The following MYH10 variants were observed in gnomAD, a reference collection of about 807,000 sequenced individuals.
MYH10 encodes myosin-10.
A neutral mutation model predicts 257.8 loss-of-function variants in MYH10; 55 were observed. The observed-to-expected ratio is 0.21, with a 90% CI of 0.17 to 0.27. The LOEUF (loss-of-function observed/expected upper bound fraction) is 0.27, where lower values mean the gene tolerates loss of function less well. Ranked by LOEUF, MYH10 falls within the 10% of genes least tolerant of loss-of-function variation. MYH10 has a pLI of 1.00. For missense variants in MYH10, 1,631 were observed against 2,500.6 expected (o/e 0.65, Z 7.42); for synonymous variants, 854 against 921.7 (o/e 0.93, Z 1.33).
At position 8,577,418 on chromosome 17, in the gene MYH10, T is replaced by C. The variant is rs754754359; in HGVS notation, c.531-80A>G. On this transcript the variant is annotated intron_variant, in intron 4 of 42. Coordinates refer to ENST00000360416, the MANE Select transcript of MYH10 (RefSeq NM_001256012.3). ...CAAAATTACAACTGATAAAATTAAA[T>C]TGTATTGGAACAATAATTAATAAAA... The C allele has an allele frequency of 4.5e-4, 332 of 737,576 alleles. No individual in the cohort carries two copies. The highest frequency in any genetic ancestry group is 6.3e-4 in the Non-Finnish European group (277 of 436,672). The allele number at this position is 737,576 out of a possible 1,614,324, so 45.7% of individuals were successfully genotyped here. A position where few individuals can be genotyped will look rare whatever the true frequency, so the allele number is the denominator to read the frequency against.
chr17:8,518,547 C>T (rs999338619), intron 21 of MYH10, 84 bp downstream of exon 21: 1 of 1,436,492 alleles, frequency 7.0e-7, no homozygotes, highest in Non-Finnish European at 9.6e-7. Flanking sequence ...GTCTCACACA[C>T]TCTTGCACCC....
chr17:8,580,726 T>C (rs2083673253), intron 4 of MYH10, among the ~76,000 whole-genome samples: 1 of 152,242 alleles, frequency 6.6e-6, no homozygotes, highest in African/African-American at 2.4e-5. Context: ...CAATCACTTA[T>C]TCTTTCAACA....
In MYH10 at chr17:8,545,935, C is replaced by A. The variant is rs1243694983; in HGVS notation, c.1279-335G>T. Among the ~76,000 whole-genome samples the A allele has an allele frequency of 6.6e-6, 1 of 152,178 alleles. No homozygotes were observed. On this transcript the variant is annotated intron_variant, in intron 12 of 42. Transcript: ENST00000360416. The surrounding 1 kb of genome is among the most constrained non-coding windows in gnomAD (Gnocchi z 4.7). Reference sequence around the variant, plus strand: ...ACCACCCAGCACAAGGACAAGGCGGCAGGGGCCCTTGTGTTGGTCTGGTTC... The same window carrying A: ...ACCACCCAGCACAAGGACAAGGCGGAAGGGGCCCTTGTGTTGGTCTGGTTC...
At chr17:8,481,769 A>G (rs945537756) in intron 37 of MYH10, among the ~76,000 whole-genome samples, 1 of 152,202 alleles carries the variant, frequency 6.6e-6, no homozygotes, top group Admixed American at 6.5e-5. Context: ...AAGAAACATG[A>G]GCTATACCAA....
intron 30 of MYH10, among the ~76,000 whole-genome samples, 194 bp from the exon 31 acceptor site, chr17:8,495,435 C>T (rs1916430931): frequency 6.6e-6 from 1 of 152,090 alleles, no homozygotes; most frequent in African/African-American, 2.4e-5. Flanking sequence ...GTACTAGAAC[C>T]TGCCTCCCTG....
intron 37 of MYH10, among the ~76,000 whole-genome samples, chr17:8,482,106 G>A (rs1473784980): frequency 1.3e-5 from 2 of 152,232 alleles, no homozygotes; most frequent in African/African-American, 2.4e-5. Context: ...GATTTGCCAT[G>A]GAAAGGAGTC....
At chr17:8,518,025 C>CGTGTGTGTATGT in intron 21 of MYH10, among the ~76,000 whole-genome samples, 1 of 123,628 alleles carries the variant, frequency 8.1e-6, no homozygotes, top group Non-Finnish European at 1.7e-5. Context: ...CCCTTGGCCC[C>CGTGTGTGTATGT]GTGTGTGTGT....
intron 7 of MYH10, among the ~76,000 whole-genome samples, chr17:8,561,996 G>A (rs531094631): frequency 5.9e-5 from 9 of 152,160 alleles, no homozygotes; most frequent in Non-Finnish European, 8.8e-5. Flanking sequence ...AATATATTTG[G>A]TAACCAATAA....
chr17:8,554,222 C>G (rs1597813696), intron 7 of MYH10: 1 of 335,406 alleles, frequency 3.0e-6, no homozygotes, highest in East Asian at 5.2e-5. Context: ...TTTTCCTGGA[C>G]TATAACATAA....
chr17:8,624,787 C>T (rs1283911051), intron 1 of MYH10, among the ~76,000 whole-genome samples: 1 of 152,182 alleles, frequency 6.6e-6, no homozygotes. Flanking sequence ...GGCACAATGG[C>T]CCATAACTGT....
chr17:8,589,092 T>G lies in MYH10; in HGVS notation c.519A>C (p.Ser173=). Residue 173 remains serine, a synonymous_variant, in exon 4 of 43, where the codon TCA becomes TCC. Coordinates refer to ENST00000360416, the MANE Select transcript of MYH10 (RefSeq NM_001256012.3). ...CAACATTTACTTACGTGCAAAGAATTGACTGGTCCTCACGATCTATAAAAC... is the reference window on the plus strand; with the variant it reads ...CAACATTTACTTACGTGCAAAGAATGGACTGGTCCTCACGATCTATAAAAC... ...RCMLQDREDQ[S]ILCTGESGAG... is the part of the protein sequence containing the mutation. 6.2e-7 allele frequency: 1 copy of G among 1,613,626 alleles called. No homozygotes were observed. Among genetic ancestry groups the G allele is most frequent in the Non-Finnish European group, 8.5e-7 (1 of 1,179,826 alleles).
chr17:8,579,086 A>C (rs866656766), intron 4 of MYH10, among the ~76,000 whole-genome samples: 8 of 152,228 alleles, frequency 5.3e-5, no homozygotes, highest in Middle Eastern at 3.4e-3. Context: ...AGATCAGCCA[A>C]GGCAGCATAA....
At position 8,517,572 on chromosome 17, in the gene MYH10, T is replaced by C. The variant is rs139213697; in HGVS notation, c.2504+1059A>G. Among the ~76,000 whole-genome samples, 10 of 152,364 alleles carry C rather than the reference T, an allele frequency of 6.6e-5. No homozygotes were observed. In the East Asian group the frequency reaches 1.9e-3, roughly 29 times the overall value. On this transcript the variant is annotated intron_variant, in intron 21 of 42. Coordinates refer to ENST00000360416, the MANE Select transcript of MYH10 (RefSeq NM_001256012.3). ...AATCAGTTCTAAGTCCTTTGAATTC[T>C]ATCTCAAATTTAACAACTTTTCTCT...
chr17:8,626,475 G>A (rs1036889745), intron 1 of MYH10, among the ~76,000 whole-genome samples: 4 of 151,846 alleles, frequency 2.6e-5, no homozygotes, highest in African/African-American at 9.7e-5. Context: ...GATGAGGCAG[G>A]AAGATCACTT....
intron 3 of MYH10, among the ~76,000 whole-genome samples, chr17:8,593,698 C>G (rs1391802176): frequency 6.6e-6 from 1 of 152,000 alleles, no homozygotes; most frequent in Non-Finnish European, 1.5e-5. Context: ...CAAAGAAGAC[C>G]TATAGAGAGA....
intron 16 of MYH10, among the ~76,000 whole-genome samples, chr17:8,531,542 CT>C (rs1007942519): frequency 1.4e-5 from 2 of 140,994 alleles, no homozygotes; most frequent in Admixed American, 7.8e-5. Flanking sequence ...ACAAACTCTA[CT>C]TTTTTTCTTT....
chr17:8,494,349 A>G (rs982226456), intron 31 of MYH10, among the ~76,000 whole-genome samples: 4 of 152,172 alleles, frequency 2.6e-5, no homozygotes, highest in Non-Finnish European at 4.4e-5. Context: ...GTAAGCACAA[A>G]CATGTTTTTC....
chr17:8,558,792 T>C (rs1260408628), intron 7 of MYH10, among the ~76,000 whole-genome samples: 1 of 152,232 alleles, frequency 6.6e-6, no homozygotes, highest in East Asian at 1.9e-4. Context: ...TTATAAAACA[T>C]TTTCATCTTT....
chr17:8,516,062 G>A (rs535144490), intron 21 of MYH10, among the ~76,000 whole-genome samples: 33 of 152,200 alleles, frequency 2.2e-4, no homozygotes, highest in African/African-American at 6.0e-4. Context: ...GAAACATGCC[G>A]GGCACTTTGT....
Sources: gnomAD v4.1 joint callset for allele counts (sites outside exome capture counted in the v4.1 genomes callset) on GRCh38, gnomAD v4.1.1 for gene constraint, Gnocchi (gnomAD v3.1) non-coding constraint, MANE v1.5 for transcripts, NCBI Gene and HGNC (gene_info 2026-07-23, HGNC 2026-07-21) for gene names.